Variants in ANKS1B observed in about 807,000 individuals in gnomAD.
ANKS1B encodes ankyrin repeat and sterile alpha motif domain-containing protein 1B.
A neutral mutation model predicts 148.3 loss-of-function variants in ANKS1B; 36 were observed. That is an observed-to-expected ratio of 0.24 (90% CI 0.19 to 0.32). The LOEUF (loss-of-function observed/expected upper bound fraction) is 0.32, where lower values mean the gene tolerates loss of function less well. ANKS1B is among the 10% of genes least tolerant of loss of function. The pLI is 1.00. For synonymous variants in ANKS1B, 542 were observed against 560.8 expected (o/e 0.97, Z 0.47); for missense variants, 1,157 against 1,542.6 (o/e 0.75, Z 4.19).
chr12:98,990,747 G>A (rs946413033), intron 17 of ANKS1B, among the ~76,000 whole-genome samples: 3 of 152,226 alleles, frequency 2.0e-5, no homozygotes, highest in Admixed American at 2.0e-4. Flanking sequence ...AATTAGGGCA[G>A]TGAAGACCTG....
chr12:99,031,176 G>A (rs2099951902), intron 17 of ANKS1B, among the ~76,000 whole-genome samples: 1 of 152,172 alleles, frequency 6.6e-6, no homozygotes, highest in African/African-American at 2.4e-5. Context: ...GGGGTTATAA[G>A]GAAAGTTTGG....
chr12:98,916,337 G>A (rs2099794366), intron 17 of ANKS1B, among the ~76,000 whole-genome samples: 1 of 152,194 alleles, frequency 6.6e-6, no homozygotes, highest in Non-Finnish European at 1.5e-5. Context: ...TCAGCTTACT[G>A]CTGAGCACTC....
chr12:99,228,273 A>G (rs951635522), intron 14 of ANKS1B, among the ~76,000 whole-genome samples: 4 of 152,076 alleles, frequency 2.6e-5, no homozygotes, highest in Non-Finnish European at 4.4e-5. Context: ...CACGAATGCA[A>G]TTTTGTTTCA....
chr12:99,330,889 A>G (rs1291209377), intron 12 of ANKS1B, among the ~76,000 whole-genome samples: 1 of 151,996 alleles, frequency 6.6e-6, no homozygotes, highest in African/African-American at 2.4e-5. Flanking sequence ...TTTAAACAGC[A>G]TGTAAACCAT....
Position 99,984,354 on chromosome 12 carries a change from TTCAGCAC to T in ANKS1B, c.-124_-118del. Reference sequence around the variant, plus strand: ...CCCCACCCTAAAATAATGCAAGAGCTTCAGCACGGAGAGCTCCCTGCAGCCCCAGGCA... The same window carrying T: ...CCCCACCCTAAAATAATGCAAGAGCTGGAGAGCTCCCTGCAGCCCCAGGCA... On this transcript the variant is annotated 5_prime_UTR_variant, in exon 1 of 27. Coordinates refer to ENST00000683438, the MANE Select transcript of ANKS1B (RefSeq NM_001352186.2). 4.3e-6 allele frequency: 4 copies of T among 930,060 alleles called. No homozygotes were observed. The highest frequency in any genetic ancestry group is 2.9e-5 in the East Asian group (1 of 34,856). 57.6% of individuals were successfully genotyped at this position (930,060 alleles called of 1,614,324 possible). A position where few individuals can be genotyped will look rare whatever the true frequency, so the allele number is the denominator to read the frequency against.
intron 17 of ANKS1B, among the ~76,000 whole-genome samples, chr12:98,850,661 G>T (rs922516439): frequency 3.5e-4 from 53 of 151,780 alleles, no homozygotes; most frequent in Middle Eastern, 3.4e-3. Flanking sequence ...TAGAGGCAGG[G>T]TTTCACTGTG....
At chr12:98,998,812 T>C (rs940784198) in intron 17 of ANKS1B, among the ~76,000 whole-genome samples, 2 of 152,224 alleles carry the variant, frequency 1.3e-5, no homozygotes, top group Non-Finnish European at 2.9e-5. Context: ...TATATTTTGC[T>C]TTGCCTTTGG....
intron 12 of ANKS1B, among the ~76,000 whole-genome samples, chr12:99,311,631 C>G (rs895346160): frequency 3.3e-5 from 5 of 152,032 alleles, no homozygotes; most frequent in African/African-American, 4.8e-5. Context: ...CTGGAAAGTG[C>G]CCAGGAAGCT....
intron 26 of ANKS1B, 106 bp from the exon 27 acceptor site, chr12:98,745,955 G>C: frequency 1.6e-6 from 2 of 1,263,958 alleles, no homozygotes; most frequent in Non-Finnish European, 2.1e-6. Flanking sequence ...CCCCAGGCGC[G>C]GGGCGGCGAT....
chr12:99,617,265 C>T (rs1567487099), intron 9 of ANKS1B, among the ~76,000 whole-genome samples: 1 of 152,216 alleles, frequency 6.6e-6, no homozygotes, highest in Admixed American at 6.5e-5. Context: ...CCAGAAATAC[C>T]ATTTGAGCCA....
intron 1 of ANKS1B, among the ~76,000 whole-genome samples, chr12:99,957,479 C>G (rs1481981197): frequency 1.3e-5 from 2 of 152,176 alleles, no homozygotes; most frequent in East Asian, 3.8e-4. Flanking sequence ...CCAAATTTGC[C>G]TTTACCCTAA....
intron 17 of ANKS1B, among the ~76,000 whole-genome samples, chr12:98,908,459 A>G (rs2099782404): frequency 6.6e-6 from 1 of 152,210 alleles, no homozygotes; most frequent in Non-Finnish European, 1.5e-5. Context: ...TAGGGTTTAT[A>G]CACTGGGGTG....
At chr12:98,992,179 T>C (rs1457626783) in intron 17 of ANKS1B, among the ~76,000 whole-genome samples, 1 of 152,126 alleles carries the variant, frequency 6.6e-6, no homozygotes, top group Non-Finnish European at 1.5e-5. Context: ...ACCTTCTTTG[T>C]GTTCCTCAAA....
At chr12:98,960,543 C>T (rs918355369) in intron 17 of ANKS1B, among the ~76,000 whole-genome samples, 2 of 152,060 alleles carry the variant, frequency 1.3e-5, no homozygotes, top group African/African-American at 2.4e-5. Context: ...TGGGTACAAA[C>T]GAGCCCAGAC....
chr12:99,785,742 T>C (rs1051352956), intron 4 of ANKS1B, among the ~76,000 whole-genome samples: 3 of 152,144 alleles, frequency 2.0e-5, no homozygotes, highest in African/African-American at 7.2e-5. Context: ...CAAAACTCTT[T>C]AATAAAAGTC....
At chr12:99,588,577 C>T (rs114800400) in intron 9 of ANKS1B, among the ~76,000 whole-genome samples, 2,212 of 152,044 alleles carry the variant, frequency 0.015, 52 homozygotes, top group African/African-American at 0.05. Context: ...CCACTACGCC[C>T]GGCTAATTGA....
intron 1 of ANKS1B, among the ~76,000 whole-genome samples, chr12:99,908,211 A>G (rs928554136): frequency 9.2e-5 from 14 of 152,208 alleles, no homozygotes; most frequent in African/African-American, 3.4e-4. Context: ...TGAGAGTTCT[A>G]TTTTTGTTTA....
chr12:99,181,821 T>C (rs891317318), intron 14 of ANKS1B, among the ~76,000 whole-genome samples: 1 of 151,830 alleles, frequency 6.6e-6, no homozygotes, highest in Non-Finnish European at 1.5e-5. Flanking sequence ...CTTTTAGTTA[T>C]TTTTAAATGT....
Position 99,107,118 on chromosome 12 carries a change from TTAA to T in ANKS1B, c.2527-22098_2527-22096del, listed in dbSNP as rs1203132662. Among the ~76,000 whole-genome samples the T allele has an allele frequency of 1.6e-4, 24 of 151,834 alleles. No homozygotes were observed. In the East Asian group the frequency reaches 4.1e-3, roughly 26 times the overall value. On this transcript the variant is annotated intron_variant, in intron 15 of 26. Transcript: ENST00000683438. ...AATTAATATAGTGAAAATATATAAA[TTAA>T]TAATAAATATAAAATACATGCATCT...
Sources: gnomAD v4.1 joint callset for allele counts (sites outside exome capture counted in the v4.1 genomes callset) on GRCh38, gnomAD v4.1.1 for gene constraint, MANE v1.5 for transcripts, NCBI Gene and HGNC (gene_info 2026-07-23, HGNC 2026-07-21) for gene names.